The following GPC5 variants were observed in gnomAD, a reference collection of about 807,000 sequenced individuals.
GPC5 encodes the protein glypican 5.
Under a neutral mutation model 53.9 loss-of-function variants are expected in GPC5, and 47 were observed. The ratio of observed to expected loss-of-function variants is 0.87; its 90% confidence interval spans 0.69 to 1.11. GPC5 has a LOEUF of 1.11. Among genes scored for constraint, GPC5 ranks in the 50% most tolerant of loss-of-function variants. GPC5 has a pLI of 0.00. For missense variants in GPC5, 748 were observed against 713.1 expected (o/e 1.05, Z -0.56); for synonymous variants, 286 against 263.3 (o/e 1.09, Z -0.84).
intron 2 of GPC5, among the ~76,000 whole-genome samples, chr13:91,556,047 G>T (rs942718507): frequency 6.8e-6 from 1 of 147,762 alleles, no homozygotes; most frequent in Non-Finnish European, 1.5e-5. Context: ...AGGATCCCTG[G>T]TGTTGCCCTT....
intron 5 of GPC5, among the ~76,000 whole-genome samples, chr13:91,880,970 T>C (rs1044414347): frequency 6.6e-6 from 1 of 152,136 alleles, no homozygotes; most frequent in African/African-American, 2.4e-5. Flanking sequence ...TTTGTGTTTT[T>C]AGTAGAGATG....
chr13:92,549,989 C>T (rs1335000459), intron 7 of GPC5, among the ~76,000 whole-genome samples: 2 of 151,076 alleles, frequency 1.3e-5, no homozygotes, highest in African/African-American at 2.4e-5. Context: ...TTACTGATAA[C>T]TATAATTCAA....
At chr13:91,620,601 G>A (rs1424278893) in intron 2 of GPC5, among the ~76,000 whole-genome samples, 1 of 152,086 alleles carries the variant, frequency 6.6e-6, no homozygotes, top group Admixed American at 6.6e-5. Flanking sequence ...CCATAAGATG[G>A]CTTAAGTTAT....
At chr13:91,820,312 A>G (rs549270353) in intron 5 of GPC5, among the ~76,000 whole-genome samples, 19 of 152,228 alleles carry the variant, frequency 1.2e-4, no homozygotes, top group Non-Finnish European at 2.4e-4. Context: ...TTACCCTAGG[A>G]AATAAAAATA....
At chr13:92,159,766 C>T (rs2139004255) in intron 7 of GPC5, among the ~76,000 whole-genome samples, 1 of 151,570 alleles carries the variant, frequency 6.6e-6, no homozygotes, top group South Asian at 2.1e-4. Flanking sequence ...CCACGCCCTG[C>T]TAATTTTTTG....
chr13:91,430,484 TG>T (rs1879367697), intron 1 of GPC5, among the ~76,000 whole-genome samples: 1 of 152,184 alleles, frequency 6.6e-6, no homozygotes, highest in African/African-American at 2.4e-5. Context: ...TTTCTTCCTC[TG>T]TAAAGACTGG....
At chr13:92,823,553 C>T (rs928358165) in intron 7 of GPC5, among the ~76,000 whole-genome samples, 1 of 151,782 alleles carries the variant, frequency 6.6e-6, no homozygotes. Flanking sequence ...TATTAATGAC[C>T]GATTAACAAT....
At chr13:92,700,166 T>G (rs572125793) in intron 7 of GPC5, among the ~76,000 whole-genome samples, 1 of 152,162 alleles carries the variant, frequency 6.6e-6, no homozygotes, top group Non-Finnish European at 1.5e-5. Context: ...CATTGATCTC[T>G]TTACCATTAT....
chr13:91,595,186 T>A (rs531307502), intron 2 of GPC5, among the ~76,000 whole-genome samples: 5 of 151,894 alleles, frequency 3.3e-5, no homozygotes, highest in African/African-American at 9.7e-5. Context: ...CCCAGCTAAA[T>A]TTTTGTATTT....
intron 5 of GPC5, among the ~76,000 whole-genome samples, chr13:91,872,193 G>T (rs1336240293): frequency 1.4e-4 from 21 of 152,052 alleles, no homozygotes; most frequent in African/African-American, 2.4e-5. Context: ...CTCAATTGTG[G>T]TTCCAGAGTG....
At chr13:91,474,454 T>C (rs966534227) in intron 2 of GPC5, among the ~76,000 whole-genome samples, 1 of 152,182 alleles carries the variant, frequency 6.6e-6, no homozygotes, top group African/African-American at 2.4e-5. Context: ...TATATGATTA[T>C]ATGAGCTATT....
intron 5 of GPC5, among the ~76,000 whole-genome samples, chr13:91,898,042 A>G (rs1287280960): frequency 6.6e-6 from 1 of 152,232 alleles, no homozygotes; most frequent in Non-Finnish European, 1.5e-5. Context: ...CAGTCTTCTA[A>G]GTTATCAAAG....
At chr13:92,814,706 C>A (rs1877409154) in intron 7 of GPC5, among the ~76,000 whole-genome samples, 1 of 151,436 alleles carries the variant, frequency 6.6e-6, no homozygotes, top group South Asian at 2.1e-4. Context: ...AAAACTTCAT[C>A]AAAATTAAGA....
chr13:92,704,437 A>C (rs1887872381), intron 7 of GPC5, among the ~76,000 whole-genome samples: 1 of 152,012 alleles, frequency 6.6e-6, no homozygotes, highest in East Asian at 1.9e-4. Context: ...TGTTTATTAA[A>C]AGCCTATTTA....
chr13:92,590,928 T>C (rs1048955048), intron 7 of GPC5, among the ~76,000 whole-genome samples: 4 of 152,232 alleles, frequency 2.6e-5, no homozygotes, highest in African/African-American at 9.6e-5. Flanking sequence ...GCATGTGCCC[T>C]GGCCCTGTCC....
At chr13:91,422,308 T>G (rs947680601) in intron 1 of GPC5, among the ~76,000 whole-genome samples, 1 of 152,210 alleles carries the variant, frequency 6.6e-6, no homozygotes, top group Non-Finnish European at 1.5e-5. Flanking sequence ...TCTGTTGCTA[T>G]AACTGAATAC....
At chr13:92,458,551 G>T (rs775384263) in intron 7 of GPC5, among the ~76,000 whole-genome samples, 1 of 152,024 alleles carries the variant, frequency 6.6e-6, no homozygotes, top group Non-Finnish European at 1.5e-5. Context: ...GCCTGCTTTG[G>T]CCCCCCAAAG....
intron 5 of GPC5, among the ~76,000 whole-genome samples, chr13:91,790,464 T>C (rs548461878): frequency 3.9e-5 from 6 of 152,368 alleles, no homozygotes; most frequent in African/African-American, 1.4e-4. Flanking sequence ...ATGTTTCTAG[T>C]ATATGCTACA....
intron 7 of GPC5, among the ~76,000 whole-genome samples, chr13:92,609,380 G>A (rs1369857135): frequency 6.6e-6 from 1 of 152,034 alleles, no homozygotes; most frequent in East Asian, 1.9e-4. Flanking sequence ...TCAGTTTTTT[G>A]AAGGAAAAAT....
Sources: allele counts gnomAD v4.1 joint callset (sites outside exome capture counted in the v4.1 genomes callset), GRCh38; gene constraint gnomAD v4.1.1; transcripts MANE v1.5; gene names NCBI Gene and HGNC (gene_info 2026-07-23, HGNC 2026-07-21).